Variants in SLC24A3 observed in about 807,000 individuals in gnomAD.
SLC24A3 encodes the protein solute carrier family 24 member 3, also known as sodium/potassium/calcium exchanger 3.
In SLC24A3, 28 loss-of-function variants were observed where a neutral mutation model predicts 75.8. The ratio of observed to expected loss-of-function variants is 0.37; its 90% CI spans 0.27 to 0.51. The LOEUF is 0.51. Ranked by LOEUF, SLC24A3 falls within the 20% of genes least tolerant of loss-of-function variation. The pLI is 0.94. For synonymous variants in SLC24A3, 372 were observed against 334.1 expected, an observed-to-expected ratio of 1.11 and a Z score of -1.24; for missense variants, 663 against 847.8, an observed-to-expected ratio of 0.78 and a Z score of 2.71.
intron 3 of SLC24A3, among the ~76,000 whole-genome samples, chr20:19,553,600 ATGAC>A (rs2030737032): frequency 6.6e-6 from 1 of 152,104 alleles, no homozygotes; most frequent in Non-Finnish European, 1.5e-5. Flanking sequence ...TAATAACAGA[ATGAC>A]TGGTGAGGTG....
Position 19,673,646 on chromosome 20 carries a change from C to T in SLC24A3, c.759C>T (p.Val253=), listed in dbSNP as rs552162569. Residue 253 remains valine (V), a synonymous_variant, in exon 9 of 17, where the codon GTC becomes GTT. Transcript: ENST00000328041. The part of the protein sequence containing the change: ...VLVLMYLIYI[V]IMKYNACIHQ... ...TGCTGATGTATCTTATCTACATTGTCATCATGAAGTAAGTAAAATTTTTCA... is the reference window on the plus strand; with the variant it reads ...TGCTGATGTATCTTATCTACATTGTTATCATGAAGTAAGTAAAATTTTTCA... 1.4e-5 allele frequency: 22 copies of T among 1,613,722 alleles called. No individual in the cohort carries two copies. The African/African-American group carries it at 2.9e-4, about 22-fold the overall frequency.
chr20:19,484,544 G>A (rs925230277), intron 2 of SLC24A3, among the ~76,000 whole-genome samples: 4 of 152,152 alleles, frequency 2.6e-5, no homozygotes, highest in Admixed American at 6.5e-5. Context: ...GTTACACAAC[G>A]GATGAGCCTT....
intron 2 of SLC24A3, among the ~76,000 whole-genome samples, chr20:19,477,532 G>T (rs1312407431): frequency 6.6e-6 from 1 of 152,230 alleles, no homozygotes; most frequent in Non-Finnish European, 1.5e-5. Flanking sequence ...CACAGTGTAA[G>T]TGTGTGGAAG....
rs145351430 is a variant in SLC24A3 at position 19,486,171 on chromosome 20, A to G, written c.272-29317A>G. ...AGTCCTTGCTGACCCAGGGAAGGAG[A>G]GTCTCCCTTCTAGTCCATGGTACTA... On this transcript the variant is annotated intron_variant, in intron 2 of 16. Coordinates refer to ENST00000328041, the MANE Select transcript of SLC24A3 (RefSeq NM_020689.4). 3.2e-3 allele frequency among the ~76,000 whole-genome samples: 488 copies of G among 152,242 alleles called. 4 individuals are homozygous for G. Among genetic ancestry groups the G allele is most frequent in the African/African-American group, 0.011 (460 of 41,532 alleles).
rs545293623 is a variant in SLC24A3, at chr20:19,612,050, G to A, written c.612+26506G>A. Among the ~76,000 whole-genome samples the A allele has an allele frequency of 5.3e-5, 8 of 152,206 alleles. 1 individual carries two copies. Among genetic ancestry groups the A allele is most frequent in the South Asian group, 2.1e-4 (1 of 4,818 alleles). On this transcript the variant is annotated intron_variant, in intron 6 of 16. Coordinates refer to ENST00000328041, the MANE Select transcript of SLC24A3 (RefSeq NM_020689.4). ...TCTCCACACTCGCTTTCAGGCTTGC[G>A]GCTTTCCATACCTTCTGTGCGCTGA...
intron 2 of SLC24A3, among the ~76,000 whole-genome samples, chr20:19,514,631 T>A (rs1365344757): frequency 6.6e-6 from 1 of 152,144 alleles, no homozygotes; most frequent in Admixed American, 6.5e-5. Flanking sequence ...GGAGGCTTCA[T>A]AAAGGAGAGG....
At chr20:19,272,758 A>G (rs937510419) in intron 1 of SLC24A3, among the ~76,000 whole-genome samples, 2 of 152,234 alleles carry the variant, frequency 1.3e-5, no homozygotes, top group Non-Finnish European at 2.9e-5. Flanking sequence ...GTGATTACCC[A>G]GGTGGTAGCT....
At chr20:19,456,598 T>C (rs1165139074) in intron 2 of SLC24A3, among the ~76,000 whole-genome samples, 1 of 152,268 alleles carries the variant, frequency 6.6e-6, no homozygotes, top group Non-Finnish European at 1.5e-5. Flanking sequence ...GAAAATGGAC[T>C]AATACACAAC....
chr20:19,684,686 G>C (rs2032653531), intron 11 of SLC24A3, among the ~76,000 whole-genome samples: 2 of 152,110 alleles, frequency 1.3e-5, no homozygotes, highest in Non-Finnish European at 2.9e-5. Flanking sequence ...AAGTAATCCA[G>C]AGTCCCTGAC....
At chr20:19,404,198 G>A (rs766763306) in intron 2 of SLC24A3, among the ~76,000 whole-genome samples, 1 of 152,168 alleles carries the variant, frequency 6.6e-6, no homozygotes, top group Non-Finnish European at 1.5e-5. Flanking sequence ...CCTACTATGT[G>A]TGTCAGGTAC....
At chr20:19,375,241 C>T (rs1193053276) in intron 2 of SLC24A3, among the ~76,000 whole-genome samples, 1 of 152,296 alleles carries the variant, frequency 6.6e-6, no homozygotes, top group Non-Finnish European at 1.5e-5. Flanking sequence ...CGTAAAAGTT[C>T]GCCAGGCTCC....
chr20:19,608,662 A>C (rs957416339), intron 6 of SLC24A3, among the ~76,000 whole-genome samples: 2 of 152,220 alleles, frequency 1.3e-5, no homozygotes, highest in Non-Finnish European at 2.9e-5. Flanking sequence ...TTAAGTTGTC[A>C]AAAAGGAGGG....
chr20:19,658,930 T>TATTGAAATG (rs1426488167), intron 7 of SLC24A3, among the ~76,000 whole-genome samples: 1 of 152,194 alleles, frequency 6.6e-6, no homozygotes, highest in East Asian at 1.9e-4. Context: ...AGACGGACAG[T>TATTGAAATG]TTTTTGTATT....
intron 1 of SLC24A3, among the ~76,000 whole-genome samples, chr20:19,244,481 A>G (rs368857159): frequency 8.5e-5 from 13 of 152,334 alleles, no homozygotes; most frequent in Admixed American, 2.6e-4. Context: ...GGGAGAATTT[A>G]CCAGGCAAAG....
In SLC24A3 at chr20:19,295,072, T is replaced by A. The variant is rs1013849828; in HGVS notation, c.271+13985T>A. On this transcript the variant is annotated intron_variant, in intron 2 of 16. Transcript: ENST00000328041. The stretch of plus-strand genomic sequence containing the variant: ...AATGATCAGTGATATTGAGCTTTTG[T>A]TCATATGTTTGTTGGCCGTACAAAT... Among the ~76,000 whole-genome samples the A allele has an allele frequency of 3.3e-5, 5 of 152,234 alleles. No individual in the cohort carries two copies. In the South Asian group the frequency reaches 6.2e-4, roughly 19 times the overall value.
At chr20:19,625,258 A>C (rs1256222793) in intron 6 of SLC24A3, among the ~76,000 whole-genome samples, 1 of 152,210 alleles carries the variant, frequency 6.6e-6, no homozygotes. Flanking sequence ...CTTGTTTTGC[A>C]ATCTACTAGA....
At chr20:19,278,189 C>T (rs1175143075) in intron 1 of SLC24A3, among the ~76,000 whole-genome samples, 1 of 152,140 alleles carries the variant, frequency 6.6e-6, no homozygotes, top group Non-Finnish European at 1.5e-5. Flanking sequence ...CAGCTTCAAC[C>T]AATGTTAGAC....
chr20:19,262,986 C>T (rs534584146), intron 1 of SLC24A3, among the ~76,000 whole-genome samples: 15 of 151,766 alleles, frequency 9.9e-5, no homozygotes, highest in South Asian at 2.1e-4. Context: ...GAGACAGACA[C>T]GCCCCTTTGT....
intron 6 of SLC24A3, among the ~76,000 whole-genome samples, chr20:19,612,632 G>GTGTGTGTGTC (rs1273539456): frequency 6.6e-6 from 1 of 151,934 alleles, no homozygotes; most frequent in Non-Finnish European, 1.5e-5. Context: ...GTGTGTGTGT[G>GTGTGTGTGTC]TGTGTGTGTA....
Sources: allele counts gnomAD v4.1 joint callset (sites outside exome capture counted in the v4.1 genomes callset), GRCh38; gene constraint gnomAD v4.1.1; transcripts MANE v1.5; gene names NCBI Gene and HGNC (gene_info 2026-07-23, HGNC 2026-07-21).